PTPRN2: variants seen among roughly 807,000 people sequenced by gnomAD.
PTPRN2 encodes the protein receptor-type tyrosine-protein phosphatase N2.
A neutral mutation model predicts 118.8 loss-of-function variants in PTPRN2; 74 were observed. That is an observed-to-expected ratio of 0.62 (90% CI 0.52 to 0.76). PTPRN2 has a LOEUF of 0.76. Among genes scored for constraint, PTPRN2 ranks in the 30% least tolerant of loss-of-function variants. PTPRN2 has a pLI of 0.00. For synonymous variants in PTPRN2, 641 were observed against 608.0 expected (o/e 1.05, Z -0.80); for missense variants, 1,481 against 1,394.4 (o/e 1.06, Z -0.99).
At chr7:157,981,012 C>T (rs1803098278) in intron 11 of PTPRN2, among the ~76,000 whole-genome samples, 1 of 152,170 alleles carries the variant, frequency 6.6e-6, no homozygotes, top group Non-Finnish European at 1.5e-5. Context: ...AGCCAGTTCC[C>T]ACGGAGCCCC....
intron 11 of PTPRN2, among the ~76,000 whole-genome samples, chr7:158,009,289 A>G (rs965049611): frequency 3.3e-5 from 5 of 152,128 alleles, no homozygotes; most frequent in African/African-American, 1.2e-4. Context: ...CTGAGGCACG[A>G]TTATACACAA....
intron 6 of PTPRN2, among the ~76,000 whole-genome samples, chr7:158,151,820 G>A (rs1037605581): frequency 3.3e-5 from 5 of 152,178 alleles, no homozygotes; most frequent in Admixed American, 2.0e-4. Context: ...AAATCCATGA[G>A]CAAAGTCCTT....
intron 2 of PTPRN2, among the ~76,000 whole-genome samples, chr7:158,475,310 CCT>C (rs1159641716): frequency 6.6e-6 from 1 of 152,070 alleles, no homozygotes; most frequent in East Asian, 1.9e-4. Context: ...CCCAGCTCCC[CCT>C]GTCTGGGGCC....
chr7:158,538,264 T>G (rs1260209722), intron 1 of PTPRN2, among the ~76,000 whole-genome samples: 1 of 152,226 alleles, frequency 6.6e-6, no homozygotes, highest in East Asian at 1.9e-4. Context: ...GTGCACCGCA[T>G]CTCGGAAAGT....
At chr7:157,643,876 C>T (rs1366593855) in intron 14 of PTPRN2, among the ~76,000 whole-genome samples, 4 of 152,240 alleles carry the variant, frequency 2.6e-5, no homozygotes, top group Non-Finnish European at 1.5e-5. Flanking sequence ...CGGGCTGTGG[C>T]AGGTGACAGC....
chr7:158,217,898 AAG>A (rs1439053983), intron 3 of PTPRN2, among the ~76,000 whole-genome samples: 1 of 152,198 alleles, frequency 6.6e-6, no homozygotes, highest in Non-Finnish European at 1.5e-5. Flanking sequence ...ATAAAGAAAA[AAG>A]AGTGTTAAAA....
At chr7:157,788,374 C>CAAAAAAAAAAAAAAA (rs749886375) in intron 12 of PTPRN2, among the ~76,000 whole-genome samples, 156 of 75,258 alleles carry the variant, frequency 2.1e-3, no homozygotes, top group Non-Finnish European at 2.8e-3. Flanking sequence ...GACTCCATCT[C>CAAAAAAAAAAAAAAA]AAAAAAAAAA....
chr7:158,320,599 G>A (rs1802933823), intron 2 of PTPRN2, among the ~76,000 whole-genome samples: 1 of 151,654 alleles, frequency 6.6e-6, no homozygotes, highest in Non-Finnish European at 1.5e-5. Flanking sequence ...AGCGCTGGGT[G>A]ACACTTGGAG....
At chr7:157,820,862 A>C (rs1382988173) in intron 12 of PTPRN2, among the ~76,000 whole-genome samples, 1 of 152,248 alleles carries the variant, frequency 6.6e-6, no homozygotes, top group East Asian at 1.9e-4. Context: ...CCTCACCCAG[A>C]GGGAAAGTGT....
At chr7:158,098,306 G>A (rs111623245) in intron 10 of PTPRN2, among the ~76,000 whole-genome samples, 1 of 152,230 alleles carries the variant, frequency 6.6e-6, no homozygotes, top group African/African-American at 2.4e-5. Context: ...AGGCCACCGG[G>A]GGGGCTCCCT....
rs530448349 is a variant in PTPRN2, at chr7:157,635,165, G to A, written c.2197-13656C>T. On this transcript the variant is annotated intron_variant, in intron 14 of 22. Transcript: ENST00000389418. ...ACAAAGATGTAAATGGCAGGTGTGC[G>A]TTAGGCACTCCCCATAAGCTAACTG... Among the ~76,000 whole-genome samples, 10 of 152,374 alleles carry A rather than the reference G, an allele frequency of 6.6e-5. No homozygotes were observed. The South Asian group carries it at 1.0e-3, about 16-fold the overall frequency.
chr7:157,663,699 G>A (rs1212774126), intron 13 of PTPRN2, among the ~76,000 whole-genome samples: 1 of 152,200 alleles, frequency 6.6e-6, no homozygotes, highest in Admixed American at 6.5e-5. Context: ...GGGGAAGCCA[G>A]GAAGGAGCCT....
chr7:158,491,268 C>T (rs753229188), intron 1 of PTPRN2, among the ~76,000 whole-genome samples: 2 of 152,216 alleles, frequency 1.3e-5, no homozygotes, highest in Admixed American at 6.5e-5. Flanking sequence ...AGTTGCAGGG[C>T]GGCCCCTGGC....
At chr7:158,248,640 CAT>C (rs1230461157) in intron 3 of PTPRN2, among the ~76,000 whole-genome samples, 4 of 151,330 alleles carry the variant, frequency 2.6e-5, no homozygotes, top group African/African-American at 7.3e-5. Flanking sequence ...ACACACCACA[CAT>C]ATGCACACAT....
chr7:158,002,219 C>T (rs911737551), intron 11 of PTPRN2, among the ~76,000 whole-genome samples: 1 of 152,178 alleles, frequency 6.6e-6, no homozygotes, highest in African/African-American at 2.4e-5. Context: ...GGTCATCAGG[C>T]GAGTGCTGCC....
At chr7:158,185,558 A>G (rs1431122398) in intron 5 of PTPRN2, among the ~76,000 whole-genome samples, 2 of 152,192 alleles carry the variant, frequency 1.3e-5, no homozygotes, top group Non-Finnish European at 2.9e-5. Flanking sequence ...ACATTTTTCT[A>G]TAGCATCTTA....
intron 12 of PTPRN2, among the ~76,000 whole-genome samples, chr7:157,799,453 G>T (rs1805090640): frequency 6.6e-6 from 1 of 152,206 alleles, no homozygotes; most frequent in Admixed American, 6.5e-5. Flanking sequence ...TGGCCAAGCA[G>T]ACATTTCATT....
At chr7:157,872,612 T>G (rs1811177594) in intron 12 of PTPRN2, among the ~76,000 whole-genome samples, 1 of 152,282 alleles carries the variant, frequency 6.6e-6, no homozygotes, top group East Asian at 1.9e-4. Flanking sequence ...GTCCTGACAC[T>G]TGGTGGCCTC....
At chr7:158,076,925 G>T (rs548351145) in intron 11 of PTPRN2, among the ~76,000 whole-genome samples, 20 of 152,218 alleles carry the variant, frequency 1.3e-4, no homozygotes, top group Non-Finnish European at 1.0e-4. Context: ...GACAGAATCC[G>T]CACGGAGCGG....
Sources: gnomAD v4.1 joint callset for allele counts (sites outside exome capture counted in the v4.1 genomes callset) on GRCh38, gnomAD v4.1.1 for gene constraint, MANE v1.5 for transcripts, NCBI Gene and HGNC (gene_info 2026-07-23, HGNC 2026-07-21) for gene names.